CDC42SE2: variants seen among roughly 807,000 people sequenced by gnomAD.
The protein encoded by CDC42SE2 is CDC42 small effector 2, also known as CDC42 small effector protein 2.
CDC42SE2 carries 3 observed loss-of-function variants against 11.5 expected under a neutral mutation model. The ratio of observed to expected loss-of-function variants is 0.26; its 90% CI spans 0.12 to 0.67. The LOEUF is 0.67. Ranked by LOEUF, CDC42SE2 falls within the 30% of genes least tolerant of loss-of-function variation. The pLI is 0.80. For synonymous variants in CDC42SE2, 33 were observed against 34.8 expected (o/e 0.95, Z 0.18); for missense variants, 82 against 106.8 (o/e 0.77, Z 1.02).
chr5:131,356,424 C>A (rs1398239879), intron 2 of CDC42SE2, among the ~76,000 whole-genome samples: 1 of 151,822 alleles, frequency 6.6e-6, no homozygotes, highest in East Asian at 1.9e-4. Context: ...ACTTTAGAAA[C>A]CTGTTCTAAA....
intron 2 of CDC42SE2, among the ~76,000 whole-genome samples, chr5:131,339,668 G>T (rs141172419): frequency 6.6e-6 from 1 of 151,848 alleles, no homozygotes; most frequent in Non-Finnish European, 1.5e-5. Flanking sequence ...TTAACTGGGC[G>T]TGGTGGTGGG....
intron 2 of CDC42SE2, among the ~76,000 whole-genome samples, chr5:131,328,746 A>G (rs546655563): frequency 2.6e-5 from 4 of 152,240 alleles, no homozygotes; most frequent in South Asian, 2.1e-4. Flanking sequence ...CTTGCGGGGT[A>G]TTAGTCACTT....
the CDC42SE2 span, among the ~76,000 whole-genome samples, chr5:131,231,777 CT>C: frequency 1.3e-5 from 2 of 151,694 alleles, no homozygotes; most frequent in African/African-American, 4.8e-5. Flanking sequence ...AATTGTTATA[CT>C]TTTTTTTCTT....
intron 1 of CDC42SE2, among the ~76,000 whole-genome samples, chr5:131,267,114 G>A (rs1364427121): frequency 1.3e-5 from 2 of 149,670 alleles, no homozygotes; most frequent in East Asian, 3.9e-4. Flanking sequence ...GAGTGCAGTG[G>A]CGCGATCTCG....
chr5:131,232,875 T>G, the CDC42SE2 span, among the ~76,000 whole-genome samples: 3 of 151,992 alleles, frequency 2.0e-5, no homozygotes, highest in African/African-American at 7.2e-5. Context: ...CATATTATTG[T>G]TCTCTGATAT....
chr5:131,305,734 C>T (rs1417823502), intron 1 of CDC42SE2, among the ~76,000 whole-genome samples: 1 of 152,134 alleles, frequency 6.6e-6, no homozygotes, highest in Non-Finnish European at 1.5e-5. Context: ...GTTTCCTTTG[C>T]TGTGCAGAAG....
intron 3 of CDC42SE2, among the ~76,000 whole-genome samples, chr5:131,374,456 G>A (rs1171752876): frequency 2.0e-5 from 3 of 151,126 alleles, no homozygotes; most frequent in East Asian, 1.9e-4. Flanking sequence ...ACCTGAACCC[G>A]GGTGGCAGAG....
chr5:131,373,950 G>A (rs1750080190), intron 3 of CDC42SE2, among the ~76,000 whole-genome samples: 1 of 151,990 alleles, frequency 6.6e-6, no homozygotes, highest in South Asian at 2.1e-4. Flanking sequence ...AAGTAGAAGG[G>A]AAAATTAAGA....
the CDC42SE2 span, among the ~76,000 whole-genome samples, chr5:131,236,642 G>A: frequency 2.6e-5 from 4 of 152,130 alleles, no homozygotes; most frequent in Non-Finnish European, 4.4e-5. Flanking sequence ...GCCCAGGCTG[G>A]TCTTGAACTC....
chr5:131,386,073 T>C (rs1419430998), intron 4 of CDC42SE2, among the ~76,000 whole-genome samples: 2 of 152,238 alleles, frequency 1.3e-5, no homozygotes, highest in Admixed American at 1.3e-4. Context: ...TATAAACCAG[T>C]GGTCTCCAAC....
rs1054328381 is a variant in CDC42SE2 at position 131,267,279 on chromosome 5, G to A, written c.-455+3113G>A. On this transcript the variant is annotated intron_variant, in intron 1 of 4. Coordinates refer to ENST00000505065, the MANE Select transcript of CDC42SE2 (RefSeq NM_001375635.1). Reference sequence around the variant, plus strand: ...CGTGTTGGCCATCCATGATGGTCTCGGTCTCTTGACCTCGTGATCTGCCCT... The same window carrying A: ...CGTGTTGGCCATCCATGATGGTCTCAGTCTCTTGACCTCGTGATCTGCCCT... Among the ~76,000 whole-genome samples the A allele has an allele frequency of 2.6e-5, 4 of 151,864 alleles. No homozygotes were observed. In the Middle Eastern group the frequency reaches 0.014, roughly 520 times the overall value.
the CDC42SE2 span, among the ~76,000 whole-genome samples, chr5:131,231,706 T>C: frequency 1.3e-5 from 2 of 152,246 alleles, no homozygotes; most frequent in African/African-American, 4.8e-5. Flanking sequence ...TTGCTTTTTG[T>C]TTCTTCCTTT....
In CDC42SE2 at chr5:131,249,320, G is replaced by T. The variant is rs1316519844; in HGVS notation, n.107+3721G>T. On this transcript the variant is annotated intron_variant and non_coding_transcript_variant, in intron 1 of 3. Transcript: ENST00000502840. The stretch of plus-strand genomic sequence containing the variant: ...GGCGTGAGCCACCACGACCGGCCAG[G>T]TTATTTCTAAAGAAGTATCAGGGAG... Among the ~76,000 whole-genome samples the T allele has an allele frequency of 2.0e-5, 3 of 151,468 alleles. No individual in the cohort carries two copies. In the East Asian group the frequency reaches 5.8e-4, roughly 29 times the overall value.
intron 1 of CDC42SE2, among the ~76,000 whole-genome samples, chr5:131,303,073 T>G (rs1400941289): frequency 6.6e-6 from 1 of 152,222 alleles, no homozygotes; most frequent in Admixed American, 6.5e-5. Flanking sequence ...ACTTTTCACT[T>G]AAACTGTTTA....
intron 3 of CDC42SE2, among the ~76,000 whole-genome samples, chr5:131,372,530 A>G (rs535636328): frequency 6.6e-6 from 1 of 152,076 alleles, no homozygotes; most frequent in East Asian, 1.9e-4. Flanking sequence ...TGGCTAACAC[A>G]GTGAAACCCC....
intron 1 of CDC42SE2, among the ~76,000 whole-genome samples, chr5:131,294,227 C>T (rs1212278873): frequency 6.6e-6 from 1 of 151,984 alleles, no homozygotes; most frequent in Non-Finnish European, 1.5e-5. Flanking sequence ...CAGAGTATAT[C>T]CAATCTGATA....
intron 3 of CDC42SE2, among the ~76,000 whole-genome samples, chr5:131,383,559 T>TAAA (rs1750388293): frequency 6.6e-6 from 1 of 152,104 alleles, no homozygotes; most frequent in African/African-American, 2.4e-5. Context: ...TTTCAGAGAT[T>TAAA]AAAAAATGTT....
chr5:131,356,593 A>G (rs1478978196), intron 2 of CDC42SE2, among the ~76,000 whole-genome samples: 1 of 152,222 alleles, frequency 6.6e-6, no homozygotes, highest in African/African-American at 2.4e-5. Context: ...TAGCAGATCC[A>G]TTATCTAAAT....
intron 2 of CDC42SE2, among the ~76,000 whole-genome samples, chr5:131,320,623 T>A (rs1758167150): frequency 6.6e-6 from 1 of 151,652 alleles, no homozygotes; most frequent in Non-Finnish European, 1.5e-5. Flanking sequence ...ATGCTTGTAA[T>A]CTCAGCTACT....
Sources: gnomAD v4.1 joint callset for allele counts (sites outside exome capture counted in the v4.1 genomes callset) on GRCh38, gnomAD v4.1.1 for gene constraint, MANE v1.5 for transcripts, NCBI Gene and HGNC (gene_info 2026-07-23, HGNC 2026-07-21) for gene names.